The following MIS18A variants were observed in gnomAD, a reference collection of about 807,000 sequenced individuals.
MIS18A encodes the protein protein Mis18-alpha.
MIS18A carries 14 observed loss-of-function variants against 25.0 expected under a neutral mutation model. The ratio of observed to expected loss-of-function variants is 0.56; its 90% CI spans 0.37 to 0.88. The LOEUF is 0.88. MIS18A is among the 40% of genes least tolerant of loss of function. MIS18A has a pLI of 0.00. For missense variants in MIS18A, 292 were observed against 290.8 expected (o/e 1.00, Z -0.03); for synonymous variants, 134 against 118.6 (o/e 1.13, Z -0.84).
At chr21:32,165,077 T>C in the MIS18A span, among the ~76,000 whole-genome samples, 10,285 of 152,226 alleles carry the variant, frequency 0.068, 487 homozygotes, top group East Asian at 0.13. Context: ...CTCATGCCTG[T>C]AATCCCAGCA....
At chr21:32,160,689 T>C in the MIS18A span, among the ~76,000 whole-genome samples, 1 of 151,186 alleles carries the variant, frequency 6.6e-6, no homozygotes, top group Non-Finnish European at 1.5e-5. Context: ...TGGAGTGCAA[T>C]GGCGTGATCT....
downstream of MIS18A, among the ~76,000 whole-genome samples, chr21:32,263,805 T>G (rs1306685545): frequency 6.7e-6 from 1 of 149,596 alleles, no homozygotes; most frequent in African/African-American, 2.5e-5. Context: ...CGGGGAAGCC[T>G]TCTTTTTTTT....
At chr21:32,241,439 T>A in the MIS18A span, among the ~76,000 whole-genome samples, 2 of 151,880 alleles carry the variant, frequency 1.3e-5, no homozygotes, top group Non-Finnish European at 2.9e-5. Context: ...AATGGTAACT[T>A]AAGTGTCATC....
At chr21:32,199,611 C>T in the MIS18A span, among the ~76,000 whole-genome samples, 1 of 151,976 alleles carries the variant, frequency 6.6e-6, no homozygotes, top group Admixed American at 6.6e-5. Flanking sequence ...AGTTCGAGAC[C>T]AGCCTGGCCA....
In MIS18A at chr21:32,279,047, T is replaced by TG. The variant is rs747556797; in HGVS notation, c.-34dup. The TG allele has an allele frequency of 4.5e-6, 7 of 1,551,166 alleles. No homozygotes were observed. Among genetic ancestry groups the TG allele is most frequent in the Admixed American group, 3.7e-5 (2 of 54,080 alleles). ...AAATCGCCCGCGCCCCAGAGCGCCA[T>TG]GGGAAAAAAAACCGCCGCTGCTCAT... is the stretch of plus-strand genomic sequence containing the variant. On this transcript the variant is annotated 5_prime_UTR_variant, in exon 1 of 5. Transcript: ENST00000290130.
the MIS18A span, among the ~76,000 whole-genome samples, chr21:32,195,004 A>C: frequency 6.6e-6 from 1 of 152,206 alleles, no homozygotes; most frequent in South Asian, 2.1e-4. Context: ...TAACATATTC[A>C]CATAACACAA....
intron 1 of MIS18A, 169 bp downstream of exon 1, chr21:32,278,512 G>A (rs1005873192): frequency 2.9e-6 from 2 of 699,312 alleles, no homozygotes; most frequent in African/African-American, 1.9e-5. Flanking sequence ...CAAAGTGGAG[G>A]GGTGACCCTC....
chr21:32,262,210 C>A, the MIS18A span, among the ~76,000 whole-genome samples: 1 of 152,174 alleles, frequency 6.6e-6, no homozygotes, highest in Non-Finnish European at 1.5e-5. Flanking sequence ...CATGGAGCCC[C>A]AAGCACAGTG....
chr21:32,194,594 G>A, the MIS18A span, among the ~76,000 whole-genome samples: 2 of 152,114 alleles, frequency 1.3e-5, no homozygotes, highest in South Asian at 2.1e-4. Context: ...GGGAGGCAGA[G>A]GTTTCGGTGA....
downstream of MIS18A, among the ~76,000 whole-genome samples, chr21:32,266,919 G>T (rs907185595): frequency 6.6e-6 from 1 of 151,992 alleles, no homozygotes; most frequent in African/African-American, 2.4e-5. Flanking sequence ...ACAAAAACTT[G>T]TTGCCTCAAG....
chr21:32,199,969 T>C, the MIS18A span, among the ~76,000 whole-genome samples: 4 of 152,130 alleles, frequency 2.6e-5, no homozygotes, highest in African/African-American at 9.7e-5. Flanking sequence ...TTGGAATCGA[T>C]TGGATTGGGG....
the MIS18A span, among the ~76,000 whole-genome samples, chr21:32,203,993 C>T: frequency 6.6e-6 from 1 of 151,904 alleles, no homozygotes; most frequent in African/African-American, 2.4e-5. Context: ...TGGATTCAAT[C>T]CTGTAAGAGA....
At chr21:32,178,844 T>G in the MIS18A span, among the ~76,000 whole-genome samples, 1 of 152,176 alleles carries the variant, frequency 6.6e-6, no homozygotes, top group Non-Finnish European at 1.5e-5. Flanking sequence ...ATGTAAAACC[T>G]TTTCGATCTG....
the MIS18A span, among the ~76,000 whole-genome samples, chr21:32,244,915 CATAAA>C: frequency 2.0e-5 from 3 of 152,114 alleles, no homozygotes; most frequent in East Asian, 3.8e-4. Context: ...GATCTCTTGA[CATAAA>C]ATAAAGTCCA....
At chr21:32,251,523 C>G in the MIS18A span, among the ~76,000 whole-genome samples, 1 of 152,270 alleles carries the variant, frequency 6.6e-6, no homozygotes, top group South Asian at 2.1e-4. Context: ...ACCCAAGCAC[C>G]CCATGCCAGC....
rs16989211 is a variant in MIS18A, at chr21:32,270,526, G to A, written c.405C>T (p.Val135=). ...LSKREKENGC[V]LETLCCAGCS... is the part of the protein sequence containing the mutation. ...ACCCCGCGCAGCACAAAGTCTCAAG[G>A]ACGCTGCAATAAAGAAATGTCTTGC... Residue 135 remains valine, a synonymous_variant, in exon 3 of 5, where the codon GTC becomes GTT. Transcript: ENST00000290130. The A allele has an allele frequency of 3.4e-3, 5,224 of 1,555,496 alleles. 147 individuals carry two copies. In the African/African-American group the frequency reaches 0.06, roughly 18 times the overall value.
intron 2 of MIS18A, among the ~76,000 whole-genome samples, chr21:32,273,208 C>T (rs2031746672): frequency 6.6e-6 from 1 of 151,302 alleles, no homozygotes. Context: ...CTAGGTACAC[C>T]ACCCTCCCGG....
the MIS18A span, among the ~76,000 whole-genome samples, chr21:32,160,762 G>C: frequency 6.6e-6 from 1 of 151,994 alleles, no homozygotes; most frequent in Non-Finnish European, 1.5e-5. Context: ...CTCCCGAGTA[G>C]CTGGGATTAC....
Position 32,268,814 on chromosome 21 carries a change from G to A in MIS18A, c.*223C>T, listed in dbSNP as rs1262771102. 4 of 368,494 alleles carry A rather than the reference G, an allele frequency of 1.1e-5. No individual in the cohort carries two copies. The highest frequency in any genetic ancestry group is 1.5e-5 in the Non-Finnish European group (3 of 200,886). 22.8% of individuals were successfully genotyped at this position (368,494 alleles called of 1,614,324 possible). A position where few individuals can be genotyped will look rare whatever the true frequency, so the allele number is the denominator to read the frequency against. ...TTTTGGGTTTTTTTTTTGAGAGAAG[G>A]TCTCACTCTGTTGCCCAGACTAGAA... On this transcript the variant is annotated 3_prime_UTR_variant, in exon 5 of 5. Transcript: ENST00000290130.
Sources: allele counts gnomAD v4.1 joint callset (sites outside exome capture counted in the v4.1 genomes callset), GRCh38; gene constraint gnomAD v4.1.1; transcripts MANE v1.5; gene names NCBI Gene and HGNC (gene_info 2026-07-23, HGNC 2026-07-21).